Variants in SNRPN observed in about 807,000 individuals in gnomAD.
SNRPN encodes the protein small nuclear ribonucleoprotein-associated protein N.
SNRPN carries 7 observed loss-of-function variants against 25.2 expected under a neutral mutation model. That is an observed-to-expected ratio of 0.28 (90% CI 0.16 to 0.52). SNRPN has a LOEUF of 0.52. SNRPN is among the 20% of genes least tolerant of loss of function. The pLI is 0.96. For missense variants in SNRPN, 196 were observed against 322.5 expected, an observed-to-expected ratio of 0.61 and a Z score of 3.00; for synonymous variants, 124 against 110.6, an observed-to-expected ratio of 1.12 and a Z score of -0.76.
intron 2 of SNRPN, among the ~76,000 whole-genome samples, chr15:24,835,632 CT>C (rs143898260): frequency 0.038 from 5,767 of 152,056 alleles, 365 homozygotes; most frequent in African/African-American, 0.12. Flanking sequence ...TGCATACATT[CT>C]TTCTGTTTGT....
Position 24,976,999 on chromosome 15 carries a change from T to A in SNRPN, c.390T>A (p.Pro130=). The A allele has an allele frequency of 6.3e-7, 1 of 1,594,548 alleles. No homozygotes were observed. Among genetic ancestry groups the A allele is most frequent in the Non-Finnish European group, 8.5e-7 (1 of 1,171,254 alleles). ...IPQAPAGLAG[P]VRGVGGPSQQ... Reference sequence around the variant, plus strand: ...AGGCCCCTGCTGGATTGGCAGGCCCTGTCCGAGGAGTTGGGGGACCATCCC... The same window carrying A: ...AGGCCCCTGCTGGATTGGCAGGCCCAGTCCGAGGAGTTGGGGGACCATCCC... Residue 130 remains proline, a synonymous_variant, in exon 7 of 10, where the codon CCT becomes CCA. Transcript: ENST00000390687.
intron 2 of SNRPN, among the ~76,000 whole-genome samples, chr15:24,962,692 A>T (rs1419959384): frequency 2.0e-5 from 3 of 152,336 alleles, no homozygotes; most frequent in East Asian, 3.9e-4. Context: ...TATAGGATGT[A>T]TACACAGACA....
chr15:24,931,404 TG>T (rs1220617526), intron 3 of SNRPN, among the ~76,000 whole-genome samples: 2 of 152,174 alleles, frequency 1.3e-5, no homozygotes, highest in Non-Finnish European at 2.9e-5. Context: ...AACTCAACTT[TG>T]GTGTGTACAG....
In SNRPN at chr15:24,860,919, G is replaced by A. The variant is rs141033927; in HGVS notation, c.-579+4203G>A. Among the ~76,000 whole-genome samples, 1,494 of 152,224 alleles carry A rather than the reference G, an allele frequency of 9.8e-3. 23 individuals are homozygous for A. The highest frequency in any genetic ancestry group is 0.033 in the African/African-American group (1,389 of 41,540). On this transcript the variant is annotated intron_variant, in intron 1 of 11. Transcript: ENST00000400097. ...AAATGCAGGGATTGGGTTGAGGTGA[G>A]GTGGTTCAACCTATTATACCCATTT...
chr15:24,956,796 T>A (rs1447675857), intron 1 of SNRPN, among the ~76,000 whole-genome samples: 1 of 152,126 alleles, frequency 6.6e-6, no homozygotes, highest in Non-Finnish European at 1.5e-5. Flanking sequence ...TGGAGGGGAA[T>A]GTGGCTAGAG....
At chr15:24,939,241 G>A (rs72693701) in intron 3 of SNRPN, among the ~76,000 whole-genome samples, 33 of 152,120 alleles carry the variant, frequency 2.2e-4, no homozygotes, top group Non-Finnish European at 4.3e-4. Flanking sequence ...CATGACTTAC[G>A]TTCTGTTTCT....
intron 1 of SNRPN, among the ~76,000 whole-genome samples, chr15:24,857,344 T>C (rs1022259881): frequency 2.6e-5 from 4 of 152,308 alleles, no homozygotes; most frequent in Non-Finnish European, 4.4e-5. Context: ...CGGCATGATG[T>C]TTGCACAGAT....
intron 3 of SNRPN, among the ~76,000 whole-genome samples, chr15:24,941,282 A>G (rs80195935): frequency 1.3e-5 from 2 of 152,190 alleles, no homozygotes. Context: ...CGGCCTAACA[A>G]TGACATTTTA....
chr15:24,933,287 A>T (rs1490771854), intron 3 of SNRPN, among the ~76,000 whole-genome samples: 1 of 151,734 alleles, frequency 6.6e-6, no homozygotes, highest in African/African-American at 2.4e-5. Flanking sequence ...AGAAAAGTTG[A>T]CTTTTTGCCA....
intron 2 of SNRPN, among the ~76,000 whole-genome samples, chr15:24,894,266 T>G (rs1226992331): frequency 2.6e-5 from 4 of 151,948 alleles, no homozygotes; most frequent in Admixed American, 2.6e-4. Context: ...TCGCCCAGGC[T>G]GGAGCGCAGT....
At chr15:24,951,828 A>G (rs563189582), upstream of SNRPN, among the ~76,000 whole-genome samples, 1 of 152,272 alleles carries the variant, frequency 6.6e-6, no homozygotes, top group South Asian at 2.1e-4. Flanking sequence ...ACTTCTTTAT[A>G]CATTCTGGAT....
rs2074217092 is a variant in SNRPN at position 24,958,492 on chromosome 15, T to TTG, written c.-391+3431_-391+3432insGT. Among the ~76,000 whole-genome samples the TTG allele has an allele frequency of 1.3e-4, 5 of 37,142 alleles. No homozygotes were observed. In the Admixed American group the frequency reaches 1.6e-3, roughly 12 times the overall value. 24.4% of individuals were successfully genotyped at this position (37,142 alleles called of 152,430 possible). A position where few individuals can be genotyped will look rare whatever the true frequency, so the allele number is the denominator to read the frequency against. Reference sequence around the variant, plus strand: ...GGATGCTAGCTGGCTCAAAGTTTTTTTTTTTTTTTTTTTTTTTTTTTTTTT... The same window carrying TTG: ...GGATGCTAGCTGGCTCAAAGTTTTTTTGTTTTTTTTTTTTTTTTTTTTTTTTT... On this transcript the variant is annotated intron_variant, in intron 1 of 9. Coordinates refer to ENST00000390687, the MANE Select transcript of SNRPN (RefSeq NM_003097.6).
chr15:24,911,679 C>T (rs548333963), intron 2 of SNRPN, among the ~76,000 whole-genome samples: 3 of 152,198 alleles, frequency 2.0e-5, no homozygotes, highest in South Asian at 2.1e-4. Context: ...GCTTTCTCCA[C>T]CTAATTTCCA....
At chr15:24,840,300 A>T (rs2142999238) in intron 2 of SNRPN, among the ~76,000 whole-genome samples, 1 of 152,288 alleles carries the variant, frequency 6.6e-6, no homozygotes, top group East Asian at 1.9e-4. Context: ...AGAGGTTTCA[A>T]TGAGCCGAGA....
chr15:24,915,181 G>A (rs1417062324), intron 2 of SNRPN, among the ~76,000 whole-genome samples: 1 of 152,088 alleles, frequency 6.6e-6, no homozygotes, highest in Non-Finnish European at 1.5e-5. Flanking sequence ...AGGCTGGAGT[G>A]TAGTGGCGTG....
intron 2 of SNRPN, among the ~76,000 whole-genome samples, chr15:24,915,209 C>T (rs1348699635): frequency 2.6e-5 from 4 of 151,878 alleles, no homozygotes; most frequent in Non-Finnish European, 5.9e-5. Flanking sequence ...CTCACTGTAA[C>T]CTCCGCCTCC....
chr15:24,944,699 T>C (rs533672240), intron 3 of SNRPN, among the ~76,000 whole-genome samples: 1 of 152,324 alleles, frequency 6.6e-6, no homozygotes, highest in East Asian at 1.9e-4. Context: ...GCTACCGAAA[T>C]CTGTGTGTGT....
intron 1 of SNRPN, among the ~76,000 whole-genome samples, chr15:24,866,230 A>ATG (rs75807271): frequency 0.8 from 120,996 of 151,882 alleles, 48,796 homozygotes; most frequent in East Asian, 0.96. Context: ...TTCAGTTAAT[A>ATG]TGTCTCCATT....
chr15:24,863,329 C>T (rs1017070175), intron 1 of SNRPN, among the ~76,000 whole-genome samples: 35 of 150,690 alleles, frequency 2.3e-4, no homozygotes, highest in Non-Finnish European at 4.6e-4. Flanking sequence ...GGGGGGTTCC[C>T]AGCTGCACAG....
Sources: allele counts gnomAD v4.1 joint callset (sites outside exome capture counted in the v4.1 genomes callset), GRCh38; gene constraint gnomAD v4.1.1; transcripts MANE v1.5; gene names NCBI Gene and HGNC (gene_info 2026-07-23, HGNC 2026-07-21).